LRRC7: variants seen among roughly 807,000 people sequenced by gnomAD.
LRRC7 encodes leucine-rich repeat-containing protein 7.
In LRRC7, 23 loss-of-function variants were observed where a neutral mutation model predicts 175.7. That is an observed-to-expected ratio of 0.13 (90% CI 0.09 to 0.19). The LOEUF (loss-of-function observed/expected upper bound fraction) is 0.19, where lower values mean the gene tolerates loss of function less well. LRRC7 is among the 10% of genes least tolerant of loss of function. LRRC7 has a pLI of 1.00. For missense variants in LRRC7, 1,354 were observed against 1,904.7 expected, an observed-to-expected ratio of 0.71 and a Z score of 5.38; for synonymous variants, 685 against 680.9, an observed-to-expected ratio of 1.01 and a Z score of -0.09.
intron 2 of LRRC7, among the ~76,000 whole-genome samples, chr1:69,710,788 TG>T (rs561897790): frequency 1.5e-3 from 234 of 152,296 alleles, no homozygotes; most frequent in African/African-American, 5.0e-3. Flanking sequence ...TATTTAAATC[TG>T]TTTTAGATCC....
At chr1:69,853,163 A>G (rs1265051462) in intron 7 of LRRC7, among the ~76,000 whole-genome samples, 1 of 151,404 alleles carries the variant, frequency 6.6e-6, no homozygotes, top group African/African-American at 2.4e-5. Flanking sequence ...TTGATTTATG[A>G]TTTATCTAAA....
chr1:69,994,693 T>C (rs1654763780), intron 11 of LRRC7, 60 bp downstream of exon 11: 6 of 1,150,396 alleles, frequency 5.2e-6, no homozygotes, highest in Non-Finnish European at 7.7e-6. Context: ...AAGGATATAT[T>C]GAGTTTTCTA....
chr1:69,679,365 T>C (rs1301895173), intron 2 of LRRC7, among the ~76,000 whole-genome samples: 1 of 152,090 alleles, frequency 6.6e-6, no homozygotes, highest in Non-Finnish European at 1.5e-5. Flanking sequence ...TATATTGGCG[T>C]TTTTAAATTA....
intron 2 of LRRC7, among the ~76,000 whole-genome samples, chr1:69,698,698 G>A (rs1662940370): frequency 6.6e-6 from 1 of 152,182 alleles, no homozygotes; most frequent in Admixed American, 6.5e-5. Flanking sequence ...AGATGTAACT[G>A]TATTTTCATT....
chr1:70,038,208 G>A lies in LRRC7; in HGVS notation c.2384G>A (p.Arg795Gln), dbSNP rs372336266. The change falls in exon 21 of 27, where the codon CGG (arginine) becomes CAG (glutamine). Residue 795 changes from arginine to glutamine, a missense_variant. Arg to Gln is a conservative substitution (Grantham distance 43). Coordinates refer to ENST00000651989, the MANE Select transcript of LRRC7 (RefSeq NM_001370785.2). ...PPGNIPQRPD[R>Q]LPMSDTFTDN... ...GGCAATATACCACAGCGTCCTGACC[G>A]GCTGCCCATGAGTGATACTTTCACT... 13 of 1,614,130 alleles carry A rather than the reference G, an allele frequency of 8.1e-6. No homozygotes were observed. The highest frequency in any genetic ancestry group is 5.0e-5 in the Admixed American group (3 of 60,020).
intron 4 of LRRC7, among the ~76,000 whole-genome samples, chr1:69,823,367 T>A (rs745542354): frequency 2.2e-4 from 33 of 152,234 alleles, no homozygotes; most frequent in Non-Finnish European, 4.0e-4. Flanking sequence ...TCTTCACATT[T>A]ATCTTTTGAT....
chr1:69,965,549 T>C (rs1193565623), intron 8 of LRRC7, among the ~76,000 whole-genome samples: 9 of 152,062 alleles, frequency 5.9e-5, no homozygotes, highest in Non-Finnish European at 1.2e-4. Context: ...ATTTATTCAT[T>C]CAATAATTAT....
At chr1:69,952,141 G>T (rs1650003781) in intron 8 of LRRC7, among the ~76,000 whole-genome samples, 1 of 151,996 alleles carries the variant, frequency 6.6e-6, no homozygotes, top group South Asian at 2.1e-4. Context: ...GTTTTACAAA[G>T]TTTAAGATGT....
intron 24 of LRRC7, among the ~76,000 whole-genome samples, chr1:70,079,451 A>G (rs917945688): frequency 2.6e-5 from 4 of 152,254 alleles, no homozygotes; most frequent in African/African-American, 9.6e-5. Context: ...GAGACACAGT[A>G]AACGTGGTAC....
intron 7 of LRRC7, among the ~76,000 whole-genome samples, chr1:69,901,243 G>C (rs1646126488): frequency 1.3e-5 from 2 of 152,036 alleles, no homozygotes; most frequent in South Asian, 2.1e-4. Flanking sequence ...GTGGCAGAGG[G>C]GATGAAAAGA....
At chr1:69,575,271 G>A (rs889573187) in intron 1 of LRRC7, among the ~76,000 whole-genome samples, 6 of 152,076 alleles carry the variant, frequency 3.9e-5, no homozygotes, top group Non-Finnish European at 8.8e-5. Flanking sequence ...AACTACTGGG[G>A]TCTCTTACAC....
At chr1:69,919,509 G>A (rs953070807) in intron 7 of LRRC7, 2 of 844,990 alleles carry the variant, frequency 2.4e-6, no homozygotes, top group South Asian at 1.4e-5. Flanking sequence ...GGCAGGGGGA[G>A]CCCGCCAGGG....
chr1:69,671,197 G>A (rs1013667348), intron 1 of LRRC7, among the ~76,000 whole-genome samples: 13 of 152,068 alleles, frequency 8.5e-5, no homozygotes, highest in Non-Finnish European at 1.6e-4. Flanking sequence ...TGGTTATTCA[G>A]GGCCCAGGGG....
At chr1:69,932,384 G>A (rs750521230) in intron 8 of LRRC7, among the ~76,000 whole-genome samples, 11 of 151,994 alleles carry the variant, frequency 7.2e-5, no homozygotes, top group Admixed American at 1.3e-4. Flanking sequence ...TATTTTCCTC[G>A]TGTATAAAAT....
intron 8 of LRRC7, among the ~76,000 whole-genome samples, chr1:69,935,504 A>G (rs1017863955): frequency 5.9e-5 from 9 of 152,162 alleles, no homozygotes; most frequent in African/African-American, 9.6e-5. Flanking sequence ...CTTTGTAGCT[A>G]AACTAGAAAG....
chr1:69,575,892 T>C (rs1242006381), intron 1 of LRRC7, among the ~76,000 whole-genome samples: 1 of 152,140 alleles, frequency 6.6e-6, no homozygotes, highest in African/African-American at 2.4e-5. Context: ...GAAAATAAAA[T>C]ACAATACAGT....
chr1:69,590,128 G>A (rs573191467), intron 1 of LRRC7, among the ~76,000 whole-genome samples: 59 of 148,342 alleles, frequency 4.0e-4, no homozygotes, highest in African/African-American at 1.5e-3. Context: ...AATATTATTA[G>A]TATAATCATC....
At chr1:70,020,656 A>G (rs1296560536) in intron 15 of LRRC7, among the ~76,000 whole-genome samples, 1 of 151,994 alleles carries the variant, frequency 6.6e-6, no homozygotes, top group Non-Finnish European at 1.5e-5. Context: ...TAGTAATACC[A>G]TTGTGTTGTT....
At chr1:70,020,233 T>A (rs1184834933) in intron 15 of LRRC7, among the ~76,000 whole-genome samples, 4 of 152,146 alleles carry the variant, frequency 2.6e-5, no homozygotes, top group Admixed American at 6.5e-5. Context: ...TGGAAAAGAA[T>A]TTAGCCTTAA....
Sources: allele counts gnomAD v4.1 joint callset (sites outside exome capture counted in the v4.1 genomes callset), GRCh38; gene constraint gnomAD v4.1.1; transcripts MANE v1.5; gene names NCBI Gene and HGNC (gene_info 2026-07-23, HGNC 2026-07-21).